Variants in WASF2 observed in about 807,000 individuals in gnomAD.
WASF2 encodes the protein WASP family member 2, also known as actin-binding protein WASF2.
WASF2 carries 14 observed loss-of-function variants against 45.0 expected under a neutral mutation model. That is an observed-to-expected ratio of 0.31 (90% confidence interval 0.21 to 0.49). The LOEUF (loss-of-function observed/expected upper bound fraction) is 0.49, where lower values mean the gene tolerates loss of function less well. Among genes scored for constraint, WASF2 ranks in the 20% least tolerant of loss-of-function variants. WASF2 has a pLI of 0.99. For missense variants in WASF2, 439 were observed against 636.1 expected (o/e 0.69, Z 3.33); for synonymous variants, 200 against 236.3 (o/e 0.85, Z 1.41).
Position 27,409,914 on chromosome 1 carries a change from C to T in WASF2, c.1117G>A (p.Ala373Thr), listed in dbSNP as rs773284725. 3.8e-6 allele frequency: 6 copies of T among 1,592,236 alleles called. No homozygotes were observed. In the South Asian group the frequency reaches 4.6e-5, roughly 12 times the overall value. Residue 373 changes from alanine to threonine, a missense_variant, in exon 8 of 9, where the codon GCT (alanine) becomes ACT (threonine). Around this residue, in one of 5 missense-constraint regions of WASF2, gnomAD observed 286 missense variants for 373.5 expected, o/e 0.77. Transcript: ENST00000618852. ...APPPPPPPPA[A>T]DYPTLPPPPL... is the part of the protein sequence containing the mutation. The stretch of plus-strand genomic sequence containing the variant: ...GGTGGTGGCAGAGTTGGGTAGTCAG[C>T]TGCTGGTGGTGGAGGAGGAGGTGGA...
chr1:27,428,768 G>A lies in WASF2; in HGVS notation c.123C>T (p.Gly41=), dbSNP rs754042089. The change falls in exon 2 of 9, where the codon GGC becomes GGT. Residue 41 remains glycine, a synonymous_variant. Coordinates refer to ENST00000618852, the MANE Select transcript of WASF2 (RefSeq NM_006990.5). ...GCTCTCTGAGGCACTCACTCAGGCT[G>A]CCCAGCTGTCGGATGACATTTGCCA... ...ITLANVIRQL[G]SLSKYAEDIF... is the part of the protein sequence containing the mutation. 6.2e-6 allele frequency: 10 copies of A among 1,614,152 alleles called. No homozygotes were observed. Among genetic ancestry groups the A allele is most frequent in the African/African-American group, 4.0e-5 (3 of 75,040 alleles).
intron 1 of WASF2, among the ~76,000 whole-genome samples, chr1:27,450,203 C>T (rs964473745): frequency 2.0e-5 from 3 of 151,610 alleles, no homozygotes; most frequent in Non-Finnish European, 4.4e-5. Flanking sequence ...CTGTCTGCCA[C>T]AACCGTCTCA....
intron 7 of WASF2, among the ~76,000 whole-genome samples, chr1:27,412,087 G>A (rs922988788): frequency 6.6e-5 from 10 of 152,202 alleles, no homozygotes; most frequent in African/African-American, 2.4e-4. Context: ...GATAGTAACA[G>A]TGCCTACCTC....
intron 3 of WASF2, 47 bp downstream of exon 3, chr1:27,418,907 C>T: frequency 1.9e-6 from 3 of 1,557,454 alleles, no homozygotes; most frequent in Non-Finnish European, 2.6e-6. Flanking sequence ...AAAAATTCTA[C>T]AAAACTGCTC....
intron 2 of WASF2, among the ~76,000 whole-genome samples, chr1:27,426,608 T>A (rs191705150): frequency 7.9e-5 from 12 of 152,210 alleles, no homozygotes; most frequent in Admixed American, 7.8e-4. Context: ...CCTCCCGGAT[T>A]CAAGCGATTC....
At chr1:27,460,904 C>T (rs2017534885) in intron 1 of WASF2, among the ~76,000 whole-genome samples, 2 of 152,178 alleles carry the variant, frequency 1.3e-5, no homozygotes, top group Admixed American at 6.5e-5. Context: ...TTTGGGAGGC[C>T]GAGGTGGGTG....
chr1:27,464,402 A>C (rs960793454), intron 1 of WASF2, among the ~76,000 whole-genome samples: 3 of 152,142 alleles, frequency 2.0e-5, no homozygotes, highest in African/African-American at 7.2e-5. Flanking sequence ...AAGTACTTTC[A>C]TATCTTTCAT....
At chr1:27,469,849 G>A (rs985643866) in intron 1 of WASF2, among the ~76,000 whole-genome samples, 1 of 152,084 alleles carries the variant, frequency 6.6e-6, no homozygotes, top group Admixed American at 6.6e-5. Flanking sequence ...GGCTGAGGCA[G>A]GAGAATCACT....
intron 1 of WASF2, among the ~76,000 whole-genome samples, chr1:27,480,472 G>A (rs2017831505): frequency 6.6e-6 from 1 of 150,910 alleles, no homozygotes; most frequent in South Asian, 2.1e-4. Flanking sequence ...AGATTAGATA[G>A]CACCACTGCA....
At chr1:27,435,884 T>A (rs2017130762) in intron 1 of WASF2, among the ~76,000 whole-genome samples, 3 of 152,190 alleles carry the variant, frequency 2.0e-5, no homozygotes, top group African/African-American at 4.8e-5. Flanking sequence ...TATGGTCACA[T>A]CCAAAAAGCA....
At chr1:27,454,181 ATATATATTTTTT>A (rs1327071732) in intron 1 of WASF2, among the ~76,000 whole-genome samples, 598 of 9,620 alleles carry the variant, frequency 0.062, 5 homozygotes, top group African/African-American at 0.12. Context: ...ATATATATAT[ATATATATTTTTT>A]TTTTTTTTTT....
At position 27,477,914 on chromosome 1, in the gene WASF2, AT is replaced by A. The variant is rs1338349173; in HGVS notation, c.-44+12071del. On this transcript the variant is annotated intron_variant, in intron 1 of 8. Coordinates refer to ENST00000618852, the MANE Select transcript of WASF2 (RefSeq NM_006990.5). ...ACTCCGTCTCAAAAAAAAAAAATAA[AT>A]AAATAAAAAAAAAAATAAAAATAAA... is the stretch of plus-strand genomic sequence containing the variant. Among the ~76,000 whole-genome samples, 30 of 97,460 alleles carry A rather than the reference AT, an allele frequency of 3.1e-4. 8 individuals are homozygous for A. The highest frequency in any genetic ancestry group is 2.2e-3 in the African/African-American group (29 of 13,296). 63.9% of individuals were successfully genotyped at this position (97,460 alleles called of 152,430 possible).
chr1:27,410,141 G>C lies in WASF2; in HGVS notation c.890C>G (p.Pro297Arg), dbSNP rs2016742868. Reference protein sequence around the residue: ...AGPKRSSVVSPSHPPPAPPLG... With the variant: ...AGPKRSSVVSRSHPPPAPPLG... ...AGGAGGAGCTGGTGGTGGATGGCTT[G>C]GGCTGACCACACTGGATCTTTTGGG... The change falls in exon 8 of 9, where the codon CCA (proline) becomes CGA (arginine). Residue 297 changes from proline to arginine, a missense_variant. By Grantham distance (103) the Pro-to-Arg change is moderately radical (BLOSUM62 -2). Around this residue, in one of 5 missense-constraint regions of WASF2, gnomAD observed 286 missense variants for 373.5 expected, o/e 0.77. Transcript: ENST00000618852. The surrounding 1 kb of genome is among the most constrained non-coding windows in gnomAD (Gnocchi z 4.2). The C allele has an allele frequency of 6.2e-7, 1 of 1,613,876 alleles. No individual in the cohort carries two copies. The highest frequency in any genetic ancestry group is 8.5e-7 in the Non-Finnish European group (1 of 1,179,982).
chr1:27,411,139 A>G (rs2016755732), intron 7 of WASF2, among the ~76,000 whole-genome samples: 1 of 152,200 alleles, frequency 6.6e-6, no homozygotes, highest in South Asian at 2.1e-4. Context: ...GAGGGGAGAG[A>G]AGGAGGACAG....
chr1:27,477,356 A>T (rs186163919), intron 1 of WASF2, among the ~76,000 whole-genome samples: 3 of 151,914 alleles, frequency 2.0e-5, no homozygotes, highest in South Asian at 2.1e-4. Context: ...CCTGGCCAAC[A>T]TGGCGAAATC....
intron 1 of WASF2, among the ~76,000 whole-genome samples, chr1:27,464,263 C>T (rs1223502705): frequency 1.3e-5 from 2 of 151,890 alleles, no homozygotes; most frequent in East Asian, 3.9e-4. Context: ...TGCCTGTAAT[C>T]CCAGCTATTC....
chr1:27,440,122 T>C (rs1304353315), intron 1 of WASF2, among the ~76,000 whole-genome samples: 4 of 152,224 alleles, frequency 2.6e-5, no homozygotes, highest in Non-Finnish European at 5.9e-5. Flanking sequence ...ACAGAAGTCT[T>C]GAACTTTACC....
intron 2 of WASF2, among the ~76,000 whole-genome samples, chr1:27,426,356 T>C (rs146796407): frequency 0.018 from 2,780 of 152,060 alleles, 36 homozygotes; most frequent in Non-Finnish European, 0.029. Context: ...GAGGGAGGCT[T>C]GGGTAATAGT....
chr1:27,466,344 T>C (rs570173760), intron 1 of WASF2, among the ~76,000 whole-genome samples: 1 of 152,280 alleles, frequency 6.6e-6, no homozygotes, highest in South Asian at 2.1e-4. Context: ...CATGACCACG[T>C]ACAACAGAAA....
Sources: allele counts gnomAD v4.1 joint callset (sites outside exome capture counted in the v4.1 genomes callset), GRCh38; gene constraint gnomAD v4.1.1; regional missense constraint gnomAD v4.1.1; non-coding constraint Gnocchi (gnomAD v3.1); transcripts MANE v1.5; gene names NCBI Gene and HGNC (gene_info 2026-07-23, HGNC 2026-07-21).